The following TRPM3 variants were observed in gnomAD, a reference collection of about 807,000 sequenced individuals.
TRPM3 encodes long transient receptor potential channel 3.
Under a neutral mutation model 181.2 loss-of-function variants are expected in TRPM3, and 77 were observed. That is an observed-to-expected ratio of 0.42 (90% CI 0.35 to 0.51). The LOEUF (loss-of-function observed/expected upper bound fraction) is 0.51, where lower values mean the gene tolerates loss of function less well. Among genes scored for constraint, TRPM3 ranks in the 20% least tolerant of loss-of-function variants. The pLI is 0.01. For synonymous variants in TRPM3, 745 were observed against 796.4 expected, an observed-to-expected ratio of 0.94 and a Z score of 1.09; for missense variants, 1,759 against 2,196.7, an observed-to-expected ratio of 0.80 and a Z score of 3.98.
intron 1 of TRPM3, among the ~76,000 whole-genome samples, chr9:71,198,011 C>A (rs573319750): frequency 1.3e-5 from 2 of 151,198 alleles, no homozygotes; most frequent in South Asian, 4.2e-4. Flanking sequence ...TTAGGTCTAA[C>A]GTCTAAGTCT....
chr9:71,279,209 C>T (rs1317096614), intron 1 of TRPM3, among the ~76,000 whole-genome samples: 1 of 151,936 alleles, frequency 6.6e-6, no homozygotes, highest in Non-Finnish European at 1.5e-5. Context: ...CTACTGAGCC[C>T]AAAATGCGTA....
At chr9:70,995,618 G>C (rs2097534768) in intron 1 of TRPM3, among the ~76,000 whole-genome samples, 1 of 152,140 alleles carries the variant, frequency 6.6e-6, no homozygotes, top group Admixed American at 6.5e-5. Flanking sequence ...AAAGAAGAGT[G>C]AGATGTTGCT....
At chr9:70,600,800 G>A (rs758402804) in intron 20 of TRPM3, among the ~76,000 whole-genome samples, 12 of 152,202 alleles carry the variant, frequency 7.9e-5, no homozygotes, top group Non-Finnish European at 1.6e-4. Flanking sequence ...GGGTTGATGG[G>A]CAATGCCTTG....
intron 1 of TRPM3, among the ~76,000 whole-genome samples, chr9:71,147,036 T>A (rs1218934174): frequency 1.3e-5 from 2 of 152,150 alleles, no homozygotes; most frequent in African/African-American, 2.4e-5. Context: ...CTAGCCGAAC[T>A]GAAAGACCTG....
intron 7 of TRPM3, among the ~76,000 whole-genome samples, chr9:70,765,780 G>T (rs11142577): frequency 0.15 from 23,190 of 151,804 alleles, 2,364 homozygotes; most frequent in East Asian, 0.39. Context: ...AATTATTATT[G>T]TCTAGTTCTT....
intron 7 of TRPM3, among the ~76,000 whole-genome samples, chr9:70,778,785 TTG>T (rs1181363526): frequency 1.3e-5 from 2 of 152,132 alleles, no homozygotes; most frequent in Non-Finnish European, 2.9e-5. Flanking sequence ...TGATAAGGGT[TTG>T]ACACCCTTCA....
intron 1 of TRPM3, among the ~76,000 whole-genome samples, chr9:70,969,188 A>C (rs1397790701): frequency 6.6e-6 from 1 of 150,384 alleles, no homozygotes; most frequent in Non-Finnish European, 1.5e-5. Flanking sequence ...AAAACCAAAC[A>C]CCGCATGTTC....
intron 12 of TRPM3, among the ~76,000 whole-genome samples, chr9:70,632,102 A>C (rs1177743662): frequency 6.6e-6 from 1 of 152,214 alleles, no homozygotes; most frequent in Admixed American, 6.5e-5. Flanking sequence ...GTAAAGAAGA[A>C]AGCACACATT....
chr9:70,834,756 G>A (rs528910119), intron 5 of TRPM3, among the ~76,000 whole-genome samples: 4 of 152,294 alleles, frequency 2.6e-5, no homozygotes, highest in African/African-American at 7.2e-5. Context: ...CTCAGATGGT[G>A]CAGCCCCAAC....
chr9:70,964,835 C>T (rs973217004), intron 1 of TRPM3, among the ~76,000 whole-genome samples: 1 of 152,080 alleles, frequency 6.6e-6, no homozygotes, highest in Non-Finnish European at 1.5e-5. Flanking sequence ...CTGACCTTTT[C>T]TGACTCTTTT....
chr9:70,884,558 G>T lies in TRPM3; in HGVS notation c.178-20047C>A, dbSNP rs1285560703. ...GCTTCTTATTACAGAAGTAAACTTT[G>T]TGTTTTATGGAAATAACTCCGAACA... On this transcript the variant is annotated intron_variant, in intron 1 of 25. Transcript: ENST00000677713. Among the ~76,000 whole-genome samples the T allele has an allele frequency of 5.9e-5, 9 of 152,300 alleles. No individual in the cohort carries two copies. In the South Asian group the frequency reaches 1.9e-3, roughly 32 times the overall value.
At chr9:70,849,032 T>C (rs1469202462) in intron 3 of TRPM3, among the ~76,000 whole-genome samples, 1 of 151,656 alleles carries the variant, frequency 6.6e-6, no homozygotes, top group Non-Finnish European at 1.5e-5. Context: ...AATTCTACAT[T>C]CAGCAAAACT....
chr9:70,606,546 G>GCTGTC (rs1768507604), intron 19 of TRPM3, among the ~76,000 whole-genome samples: 1 of 152,070 alleles, frequency 6.6e-6, no homozygotes. Context: ...AGGACTGGCT[G>GCTGTC]CTGTCCTGGA....
Position 70,629,182 on chromosome 9 carries a change from C to G in TRPM3, c.1633-3665G>C, listed in dbSNP as rs1335555768. Among the ~76,000 whole-genome samples, 7 of 114,746 alleles carry G rather than the reference C, an allele frequency of 6.1e-5. No homozygotes were observed. In the Admixed American group the frequency reaches 9.0e-4, roughly 15 times the overall value. The allele number at this position is 114,746 out of a possible 152,430, so 75.3% of individuals were successfully genotyped here. A position where few individuals can be genotyped will look rare whatever the true frequency, so the allele number is the denominator to read the frequency against. On this transcript the variant is annotated intron_variant, in intron 12 of 25. Transcript: ENST00000677713. ...CAGAATGATTTATGTTTGGTCAGCCCTGAAGGAGGATAAATGATTCTGTGA... is the reference window on the plus strand; with the variant it reads ...CAGAATGATTTATGTTTGGTCAGCCGTGAAGGAGGATAAATGATTCTGTGA...
At chr9:71,434,107 C>T (rs1007259678) in intron 1 of TRPM3, among the ~76,000 whole-genome samples, 3 of 151,820 alleles carry the variant, frequency 2.0e-5, no homozygotes, top group Non-Finnish European at 2.9e-5. Context: ...TGCAGTGAGC[C>T]GAGATCATTC....
chr9:70,623,776 G>A (rs1444215280), intron 14 of TRPM3, among the ~76,000 whole-genome samples: 1 of 152,130 alleles, frequency 6.6e-6, no homozygotes, highest in East Asian at 1.9e-4. Flanking sequence ...TGGGAAGTAT[G>A]CCCCTAAAAT....
chr9:71,043,658 C>T (rs186104275), intron 1 of TRPM3, among the ~76,000 whole-genome samples: 436 of 152,292 alleles, frequency 2.9e-3, no homozygotes, highest in African/African-American at 9.8e-3. Flanking sequence ...CCAAAATTTG[C>T]GCCTGGACTA....
intron 1 of TRPM3, among the ~76,000 whole-genome samples, chr9:71,120,413 C>T (rs943147342): frequency 3.3e-5 from 5 of 152,130 alleles, no homozygotes; most frequent in African/African-American, 9.7e-5. Context: ...TGGATTAGTA[C>T]AGAGTTGTAT....
chr9:71,395,207 T>C (rs2093162007), intron 1 of TRPM3, among the ~76,000 whole-genome samples: 3 of 152,190 alleles, frequency 2.0e-5, no homozygotes. Context: ...TCAATGAAAT[T>C]TCCCCCAGAA....
Sources: allele counts gnomAD v4.1 joint callset (sites outside exome capture counted in the v4.1 genomes callset), GRCh38; gene constraint gnomAD v4.1.1; transcripts MANE v1.5; gene names NCBI Gene and HGNC (gene_info 2026-07-23, HGNC 2026-07-21).